A4GNT: variants seen among roughly 807,000 people sequenced by gnomAD.
The protein encoded by A4GNT is alpha-1,4-N-acetylglucosaminyltransferase.
Under a neutral mutation model 8.3 loss-of-function variants are expected in A4GNT, and 6 were observed. The observed-to-expected ratio is 0.72, with a 90% CI of 0.39 to 1.42. A4GNT has a LOEUF of 1.42. Among genes scored for constraint, A4GNT ranks in the 40% most tolerant of loss-of-function variants. The pLI is 0.02. For missense variants in A4GNT, 377 were observed against 417.0 expected (o/e 0.90, Z 0.84); for synonymous variants, 157 against 159.8 (o/e 0.98, Z 0.13).
In A4GNT at chr3:138,131,125, G is replaced by T; in HGVS notation, c.132C>A (p.Ala44=). ...CAATGCCACGTCTGTGGCTCAGGAGGGCTTCCAGCCCCTGGTGGGACTTGA... is the reference window on the plus strand; with the variant it reads ...CAATGCCACGTCTGTGGCTCAGGAGTGCTTCCAGCCCCTGGTGGGACTTGA... The part of the protein sequence containing the change: ...PSFKSHQGLE[A]LLSHRRGIVF... Residue 44 remains alanine (A), a synonymous_variant, in exon 2 of 3, where the codon GCC becomes GCA. Transcript: ENST00000236709. 1 of 1,613,614 alleles carries T rather than the reference G, an allele frequency of 6.2e-7. No homozygotes were observed. Among genetic ancestry groups the T allele is most frequent in the Non-Finnish European group, 8.5e-7 (1 of 1,179,716 alleles).
chr3:138,131,362 A>T, intron 1 of A4GNT, 80 bp from the exon 2 acceptor site: 1 of 1,140,340 alleles, frequency 8.8e-7, no homozygotes, highest in Non-Finnish European at 1.2e-6. Flanking sequence ...ATACATGAAT[A>T]TCATTTAAAA....
At position 138,130,983 on chromosome 3, in the gene A4GNT, C is replaced by A. The variant is rs763309134; in HGVS notation, c.274G>T (p.Asp92Tyr). ...PVVFFMKGLT[D>Y]STPMPSNSTY... ...GAGTTTGAGGGCATCGGTGTGGAAT[C>A]AGTAAGACCCTTCATAAAGAACACC... Residue 92 changes from aspartate to tyrosine, a missense_variant, in exon 2 of 3, where the codon GAT becomes TAT. Physicochemically the swap from Asp to Tyr is radical, Grantham distance 160 (BLOSUM62 -3). Transcript: ENST00000236709. 3.1e-6 allele frequency: 5 copies of A among 1,613,970 alleles called. No individual in the cohort carries two copies. Among genetic ancestry groups the A allele is most frequent in the African/African-American group, 1.3e-5 (1 of 74,862 alleles).
chr3:138,129,296 C>A (rs1051342983), intron 2 of A4GNT, among the ~76,000 whole-genome samples: 1 of 152,058 alleles, frequency 6.6e-6, no homozygotes, highest in Non-Finnish European at 1.5e-5. Flanking sequence ...GGGAGAGTAT[C>A]CTGGATGGGC....
rs753881517 is a variant in A4GNT at position 138,130,887 on chromosome 3, G to C, written c.370C>G (p.Leu124Val). The change falls in exon 2 of 3, where the codon CTG (leucine) becomes GTG (valine). Residue 124 changes from leucine (L) to valine (V), a missense_variant. Physicochemically the swap from Leu to Val is conservative, Grantham distance 32. Coordinates refer to ENST00000236709, the MANE Select transcript of A4GNT (RefSeq NM_016161.3). ...VFLFPLDMKR[L>V]LEDTPLFSWY... Reference sequence around the variant, plus strand: ...GAAAACAATGGTGTGTCTTCAAGCAGCCTTTTCATATCCAAAGGGAAGAGG... The same window carrying C: ...GAAAACAATGGTGTGTCTTCAAGCACCCTTTTCATATCCAAAGGGAAGAGG... 1.2e-6 allele frequency: 2 copies of C among 1,614,122 alleles called. No individual in the cohort carries two copies. The highest frequency in any genetic ancestry group is 1.7e-6 in the Non-Finnish European group (2 of 1,180,018).
rs6794722 is a variant in A4GNT, at chr3:138,124,252, C to T, written c.*12G>A. ...ATTTCCACACTGCAGCAGCAGCAAA[C>T]GAGTGTTAGCTTTATTTGTTACCTG... On this transcript the variant is annotated 3_prime_UTR_variant, in exon 3 of 3. Transcript: ENST00000236709. 0.037 allele frequency: 59,542 copies of T among 1,604,716 alleles called. 1,664 individuals are homozygous for T. Among genetic ancestry groups the T allele is most frequent in the African/African-American group, 0.13 (9,896 of 74,732 alleles).
At chr3:138,131,579 GA>G (rs1223594521) in intron 1 of A4GNT, among the ~76,000 whole-genome samples, 1 of 151,570 alleles carries the variant, frequency 6.6e-6, no homozygotes, top group Non-Finnish European at 1.5e-5. Flanking sequence ...AAAAGAAAAA[GA>G]AAAAGACAAG....
At chr3:138,132,788 G>A (rs2042785620), upstream of A4GNT, among the ~76,000 whole-genome samples, 1 of 152,178 alleles carries the variant, frequency 6.6e-6, no homozygotes, top group Non-Finnish European at 1.5e-5. Context: ...AGGAAAGAGA[G>A]CCCATCACCA....
intron 2 of A4GNT, among the ~76,000 whole-genome samples, chr3:138,127,193 CATTT>C (rs1413400855): frequency 6.8e-6 from 1 of 147,840 alleles, no homozygotes; most frequent in East Asian, 2.0e-4. Context: ...TAATAGCTAA[CATTT>C]ATCAATAATT....
rs79791762 is a variant in A4GNT, at chr3:138,131,046, C to T, written c.211G>A (p.Val71Ile). 0.027 allele frequency: 43,733 copies of T among 1,614,004 alleles called. 710 individuals carry two copies. The highest frequency in any genetic ancestry group is 0.031 in the Non-Finnish European group (36,831 of 1,179,968). ...GGATAAATCTTGGCAGCAGACTCTA[C>T]GGAACAGGAGACCAAATGGGGTGGC... ...MEPPHLVSCS[V>I]ESAAKIYPEW... is the part of the protein sequence containing the mutation. Residue 71 changes from valine (V) to isoleucine (I), a missense_variant, in exon 2 of 3, where the codon GTA becomes ATA. Val to Ile is a conservative substitution (Grantham distance 29). Coordinates refer to ENST00000236709, the MANE Select transcript of A4GNT (RefSeq NM_016161.3).
intron 2 of A4GNT, among the ~76,000 whole-genome samples, chr3:138,130,546 G>A (rs1476441012): frequency 1.3e-5 from 2 of 152,038 alleles, no homozygotes. Context: ...ATTTAAAACT[G>A]TAGTGAAAAA....
intron 2 of A4GNT, among the ~76,000 whole-genome samples, chr3:138,130,077 C>A (rs2042767223): frequency 6.7e-6 from 1 of 150,076 alleles, no homozygotes; most frequent in Admixed American, 6.6e-5. Flanking sequence ...TTGTAGAGTT[C>A]TTTCAGGTCT....
chr3:138,133,259 C>A (rs937654366), upstream of A4GNT, among the ~76,000 whole-genome samples: 1 of 152,164 alleles, frequency 6.6e-6, no homozygotes, highest in East Asian at 1.9e-4. Context: ...TCCAAGGACC[C>A]CAGAAACAGC....
rs146018238 is a variant in A4GNT, at chr3:138,130,966, G to T, written c.291C>A (p.Pro97=). 9,588 of 1,614,128 alleles carry T rather than the reference G, an allele frequency of 5.9e-3. 40 individuals carry two copies. Among genetic ancestry groups the T allele is most frequent in the Non-Finnish European group, 7.2e-3 (8,454 of 1,180,022 alleles). The change falls in exon 2 of 3, where the codon CCC becomes CCA. Residue 97 remains proline (P), a synonymous_variant. Coordinates refer to ENST00000236709, the MANE Select transcript of A4GNT (RefSeq NM_016161.3). ...AAAAAGCTGGGTATGTGGAGTTTGAGGGCATCGGTGTGGAATCAGTAAGAC... is the reference window on the plus strand; with the variant it reads ...AAAAAGCTGGGTATGTGGAGTTTGATGGCATCGGTGTGGAATCAGTAAGAC... The part of the protein sequence containing the change: ...MKGLTDSTPM[P]SNSTYPAFSF...
intron 2 of A4GNT, among the ~76,000 whole-genome samples, chr3:138,128,157 A>C (rs1033163456): frequency 1.3e-5 from 2 of 152,202 alleles, no homozygotes; most frequent in African/African-American, 4.8e-5. Flanking sequence ...CATGTGTGTG[A>C]TTCATCTGTA....
chr3:138,124,695 G>C lies in A4GNT; in HGVS notation c.592C>G (p.Leu198Val). 5.0e-6 allele frequency: 8 copies of C among 1,614,226 alleles called. No individual in the cohort carries two copies. The highest frequency in any genetic ancestry group is 5.9e-6 in the Non-Finnish European group (7 of 1,180,046). The stretch of plus-strand genomic sequence containing the variant: ...TCCCACAAAAAGGGGTGGTGGGGGA[G>C]GAACCCAAATATTCCATTACTAGAG... ...RYSSNGIFGF[L>V]PHHPFLWECM... The change falls in exon 3 of 3, where the codon CTC (leucine) becomes GTC (valine). Residue 198 changes from leucine to valine, a missense_variant. Coordinates refer to ENST00000236709, the MANE Select transcript of A4GNT (RefSeq NM_016161.3).
intron 2 of A4GNT, among the ~76,000 whole-genome samples, chr3:138,126,981 A>T (rs1298757066): frequency 6.7e-6 from 1 of 149,202 alleles, no homozygotes; most frequent in Non-Finnish European, 1.5e-5. Context: ...AATCCAAAAA[A>T]AATAGCCAGG....
intron 2 of A4GNT, among the ~76,000 whole-genome samples, chr3:138,128,595 G>A (rs112838201): frequency 9.2e-5 from 14 of 152,200 alleles, no homozygotes; most frequent in African/African-American, 2.9e-4. Flanking sequence ...CTCCTACCAG[G>A]CCCCACCTCC....
At position 138,124,611 on chromosome 3, in the gene A4GNT, C is replaced by T. The variant is rs747124106; in HGVS notation, c.676G>A (p.Glu226Lys). 1.2e-6 allele frequency: 2 copies of T among 1,614,264 alleles called. No homozygotes were observed. Among genetic ancestry groups the T allele is most frequent in the Non-Finnish European group, 1.7e-6 (2 of 1,180,052 alleles). ...ACCCTCAACATCCTTGTCATCAACTCAGGGCCTTGGTTGCCCCAAATGGCT... is the reference window on the plus strand; with the variant it reads ...ACCCTCAACATCCTTGTCATCAACTTAGGGCCTTGGTTGCCCCAAATGGCT... ...NSAIWGNQGP[E>K]LMTRMLRVWC... is the part of the protein sequence containing the mutation. The change falls in exon 3 of 3, where the codon GAG (glutamate) becomes AAG (lysine). Residue 226 changes from glutamate to lysine, a missense_variant. Coordinates refer to ENST00000236709, the MANE Select transcript of A4GNT (RefSeq NM_016161.3).
At chr3:138,131,781 A>G (rs996361379) in intron 1 of A4GNT, among the ~76,000 whole-genome samples, 2 of 152,206 alleles carry the variant, frequency 1.3e-5, no homozygotes, top group African/African-American at 4.8e-5. Context: ...TAACTTTAAG[A>G]TCCATTCACA....
Sources: allele counts gnomAD v4.1 joint callset (sites outside exome capture counted in the v4.1 genomes callset), GRCh38; gene constraint gnomAD v4.1.1; transcripts MANE v1.5; gene names NCBI Gene and HGNC (gene_info 2026-07-23, HGNC 2026-07-21).